The following CFAP99 variants were observed in gnomAD, a reference collection of about 807,000 sequenced individuals.
The protein encoded by CFAP99 is cilia- and flagella-associated protein 99.
Under a neutral mutation model 82.7 loss-of-function variants are expected in CFAP99, and 84 were observed. The observed-to-expected ratio is 1.02, with a 90% confidence interval of 0.85 to 1.22. The LOEUF (loss-of-function observed/expected upper bound fraction) is 1.22, where lower values mean the gene tolerates loss of function less well. Ranked by LOEUF, CFAP99 falls within the 50% of genes most tolerant of loss-of-function variation. CFAP99 has a pLI of 0.00. For missense variants in CFAP99, 1,059 were observed against 983.5 expected, an observed-to-expected ratio of 1.08 and a Z score of -1.03; for synonymous variants, 456 against 429.5, an observed-to-expected ratio of 1.06 and a Z score of -0.76.
In CFAP99 at chr4:2,462,899, G is replaced by A; in HGVS notation, c.2118G>A (p.Gly706=). ...TGCAGCAGGGAGGCTCAGGACCCGG[G>A]CCCGCGCGCCGCCTGGAGGCCGCCT... The change falls in exon 15 of 15, where the codon GGG becomes GGA. Residue 706 remains glycine (G), a synonymous_variant. Coordinates refer to ENST00000635017, the Ensembl canonical transcript of CFAP99. This position sits in a 1 kb window ranked among gnomAD's most constrained non-coding sequence, Gnocchi z 4.1. 1 of 1,322,396 alleles carries A rather than the reference G, an allele frequency of 7.6e-7. No individual in the cohort carries two copies. The highest frequency in any genetic ancestry group is 2.1e-5 in the South Asian group (1 of 48,100). 81.9% of individuals were successfully genotyped at this position (1,322,396 alleles called of 1,614,324 possible).
intron 2 of CFAP99, among the ~76,000 whole-genome samples, chr4:2,429,813 G>A (rs757612971): frequency 8.7e-4 from 133 of 152,120 alleles, no homozygotes; most frequent in Non-Finnish European, 1.3e-3. Context: ...GAATGGTCTT[G>A]ATCTCCTGAC....
chr4:2,449,201 G>A (rs1376365712), intron 6 of CFAP99, among the ~76,000 whole-genome samples: 2 of 151,998 alleles, frequency 1.3e-5, no homozygotes, highest in South Asian at 2.1e-4. Flanking sequence ...CTGGACTCGG[G>A]GATATGGTGC....
chr4:2,462,895 C>A lies in CFAP99; in HGVS notation c.2114C>A (p.Pro705His). The stretch of plus-strand genomic sequence containing the variant: ...GCGCTGCAGCAGGGAGGCTCAGGAC[C>A]CGGGCCCGCGCGCCGCCTGGAGGCC... The change falls in exon 15 of 15, where the codon CCC becomes CAC. Residue 705 changes from proline to histidine, a missense_variant. Pro to His is a moderately conservative substitution (Grantham distance 77, BLOSUM62 -2). Coordinates refer to ENST00000635017, the Ensembl canonical transcript of CFAP99. This position sits in a 1 kb window ranked among gnomAD's most constrained non-coding sequence, Gnocchi z 4.1. 1.5e-6 allele frequency: 2 copies of A among 1,330,862 alleles called. No individual in the cohort carries two copies. The highest frequency in any genetic ancestry group is 1.9e-6 in the Non-Finnish European group (2 of 1,045,790). 82.4% of individuals were successfully genotyped at this position (1,330,862 alleles called of 1,614,324 possible). A position where few individuals can be genotyped will look rare whatever the true frequency, so the allele number is the denominator to read the frequency against.
At chr4:2,426,717 CCA>C (rs1578463001) in intron 2 of CFAP99, 131 bp downstream of exon 2, 6 of 655,988 alleles carry the variant, frequency 9.1e-6, no homozygotes, top group Admixed American at 9.0e-5. Flanking sequence ...ACCGTGTTTT[CCA>C]CAGAGACCTG....
chr4:2,451,113 G>T, intron 9 of CFAP99, 95 bp downstream of exon 9: 1 of 1,460,248 alleles, frequency 6.8e-7, no homozygotes, highest in Non-Finnish European at 9.3e-7. Flanking sequence ...CCTGAGCTGG[G>T]GGACCTAGAG....
intron 2 of CFAP99, among the ~76,000 whole-genome samples, chr4:2,434,049 C>T (rs34634368): frequency 6.6e-6 from 1 of 152,058 alleles, no homozygotes; most frequent in Non-Finnish European, 1.5e-5. Context: ...GTCCCCCAGC[C>T]GAAGGGCCAG....
In CFAP99 at chr4:2,446,517, C is replaced by T. The variant is rs375175028; in HGVS notation, c.642+1209C>T. Among the ~76,000 whole-genome samples, 141 of 152,224 alleles carry T rather than the reference C, an allele frequency of 9.3e-4. 1 individual carries two copies. The highest frequency in any genetic ancestry group is 3.4e-3 in the Middle Eastern group (1 of 294). On this transcript the variant is annotated intron_variant, in intron 6 of 14. Transcript: ENST00000635017. The surrounding 1 kb of genome is among the most constrained non-coding windows in gnomAD (Gnocchi z 5.0). Reference sequence around the variant, plus strand: ...AAGTGATTCTCCTGCCTCAGCCCCCCGAGTAGCTGGGATTACAGGTACCGG... The same window carrying T: ...AAGTGATTCTCCTGCCTCAGCCCCCTGAGTAGCTGGGATTACAGGTACCGG...
In CFAP99 at chr4:2,458,878, A is replaced by G; in HGVS notation, c.1303+14A>G. On this transcript the variant is annotated intron_variant, in intron 12 of 14. Transcript: ENST00000635017. ...GACAGCAGACAGGTAGTCAGGAGCC[A>G]GATGTCACTGGCCCTACCCCGCTCT... 1 of 1,532,040 alleles carries G rather than the reference A, an allele frequency of 6.5e-7. No individual in the cohort carries two copies. The highest frequency in any genetic ancestry group is 1.4e-5 in the African/African-American group (1 of 73,152). The allele number at this position is 1,532,040 out of a possible 1,614,324, so 94.9% of individuals were successfully genotyped here.
intron 11 of CFAP99, among the ~76,000 whole-genome samples, chr4:2,452,893 T>C (rs187798906): frequency 6.6e-6 from 1 of 152,018 alleles, no homozygotes; most frequent in Non-Finnish European, 1.5e-5. Flanking sequence ...CAAAATCCCG[T>C]CTCTGTAAAA....
chr4:2,424,065 A>T (rs944844488), intron 1 of CFAP99, among the ~76,000 whole-genome samples: 3 of 152,224 alleles, frequency 2.0e-5, no homozygotes, highest in African/African-American at 7.2e-5. Context: ...TGGCCTCCTT[A>T]GAGAGAGGCT....
intron 4 of CFAP99, among the ~76,000 whole-genome samples, chr4:2,439,806 C>T (rs1045199364): frequency 6.6e-6 from 1 of 152,122 alleles, no homozygotes; most frequent in Non-Finnish European, 1.5e-5. Context: ...ACCCTGGAAA[C>T]AAGAAGTCAC....
intron 10 of CFAP99, 59 bp from the exon 11 acceptor site, chr4:2,452,083 C>A: frequency 4.6e-6 from 7 of 1,515,572 alleles, no homozygotes; most frequent in Non-Finnish European, 6.2e-6. Context: ...CCTGTGACCA[C>A]CCAGCAGCCT....
intron 4 of CFAP99, among the ~76,000 whole-genome samples, chr4:2,439,759 GGAAACCAGAAACCAAACCCCA>G (rs1347969839): frequency 2.6e-5 from 4 of 152,158 alleles, no homozygotes; most frequent in African/African-American, 7.2e-5. Flanking sequence ...CAGCTTCCCT[GGAAACCAGAAACCAAACCCCA>G]GAAACCAGAA....
At chr4:2,424,043 C>T (rs578159087) in intron 1 of CFAP99, among the ~76,000 whole-genome samples, 3 of 152,368 alleles carry the variant, frequency 2.0e-5, no homozygotes, top group Admixed American at 6.5e-5. Flanking sequence ...AAATTCCAAG[C>T]GGCCTTTCTT....
chr4:2,451,459 G>A, intron 10 of CFAP99, 107 bp downstream of exon 10: 1 of 1,040,836 alleles, frequency 9.6e-7, no homozygotes, highest in Non-Finnish European at 1.4e-6. Context: ...GAGGGACTCG[G>A]GGGTCACAAC....
At chr4:2,423,285 C>A (rs916536085) in intron 1 of CFAP99, among the ~76,000 whole-genome samples, 1 of 152,264 alleles carries the variant, frequency 6.6e-6, no homozygotes, top group Non-Finnish European at 1.5e-5. Context: ...CCGCACCGCA[C>A]CCCTGCCATA....
chr4:2,443,026 TG>T (rs1734084047), intron 4 of CFAP99, 103 bp from the exon 5 acceptor site: 6 of 470,702 alleles, frequency 1.3e-5, no homozygotes, highest in South Asian at 4.3e-5. Context: ...CTGGGGGTGC[TG>T]GGGGCCTTGG....
At chr4:2,445,050 C>T in intron 5 of CFAP99, 81 bp from the exon 6 acceptor site, 1 of 1,061,256 alleles carries the variant, frequency 9.4e-7, no homozygotes, top group South Asian at 4.4e-5. Flanking sequence ...GCTGCGGGAG[C>T]CCTCTGGATC....
chr4:2,426,191 A>G (rs1037444055), intron 1 of CFAP99, among the ~76,000 whole-genome samples: 4 of 151,674 alleles, frequency 2.6e-5, no homozygotes, highest in African/African-American at 9.7e-5. Flanking sequence ...CTGATGGTGA[A>G]CTCACCCAGG....
Sources: allele counts gnomAD v4.1 joint callset (sites outside exome capture counted in the v4.1 genomes callset), GRCh38; gene constraint gnomAD v4.1.1; non-coding constraint Gnocchi (gnomAD v3.1); transcripts MANE v1.5; gene names NCBI Gene and HGNC (gene_info 2026-07-23, HGNC 2026-07-21).